SGCD: variants seen among roughly 807,000 people sequenced by gnomAD.
The protein encoded by SGCD is delta-sarcoglycan.
Under a neutral mutation model 36.6 loss-of-function variants are expected in SGCD, and 18 were observed. The observed-to-expected ratio is 0.49, with a 90% confidence interval of 0.34 to 0.73. The LOEUF (loss-of-function observed/expected upper bound fraction) is 0.73. SGCD is among the 30% of genes least tolerant of loss of function. The pLI is 0.01. For missense variants in SGCD, 387 were observed against 346.7 expected, an observed-to-expected ratio of 1.12 and a Z score of -0.92; for synonymous variants, 133 against 130.6, an observed-to-expected ratio of 1.02 and a Z score of -0.12.
intron 3 of SGCD, among the ~76,000 whole-genome samples, chr5:156,351,603 GTCATCATCA>G (rs141077881): frequency 0.039 from 5,810 of 149,178 alleles, 350 homozygotes; most frequent in African/African-American, 0.13. Context: ...TATCGTCGTA[GTCATCATCA>G]TCATCATCAT....
chr5:156,652,077 G>A (rs1157777503), intron 7 of SGCD, among the ~76,000 whole-genome samples: 4 of 151,998 alleles, frequency 2.6e-5, no homozygotes, highest in African/African-American at 4.8e-5. Context: ...AATATTACTC[G>A]TGTATAGAAA....
At chr5:156,714,002 C>T (rs990843167) in intron 7 of SGCD, among the ~76,000 whole-genome samples, 1 of 152,344 alleles carries the variant, frequency 6.6e-6, no homozygotes, top group Middle Eastern at 3.4e-3. Flanking sequence ...TTCACTCCAG[C>T]ATACGTGAAA....
intron 4 of SGCD, among the ~76,000 whole-genome samples, chr5:156,574,439 G>A (rs1311280861): frequency 6.6e-6 from 1 of 152,088 alleles, no homozygotes; most frequent in Non-Finnish European, 1.5e-5. Flanking sequence ...TCTCCATTTT[G>A]TACATTATTA....
chr5:156,544,319 C>T (rs1177964583), intron 4 of SGCD, among the ~76,000 whole-genome samples: 1 of 152,080 alleles, frequency 6.6e-6, no homozygotes, highest in East Asian at 1.9e-4. Flanking sequence ...ACTCAACCTA[C>T]CTGGTAATAA....
At chr5:156,448,126 C>G (rs1448148099) in intron 3 of SGCD, among the ~76,000 whole-genome samples, 1 of 152,112 alleles carries the variant, frequency 6.6e-6, no homozygotes, top group Non-Finnish European at 1.5e-5. Context: ...CTCAAGTCAC[C>G]TTTTCTGTAT....
chr5:155,804,298 A>T, the SGCD span, among the ~76,000 whole-genome samples: 76 of 152,332 alleles, frequency 5.0e-4, no homozygotes, highest in African/African-American at 1.7e-3. Context: ...CATTTTGCAG[A>T]TAGGGAAACT....
chr5:156,319,136 G>A (rs1047950318), intron 3 of SGCD, among the ~76,000 whole-genome samples: 5 of 152,094 alleles, frequency 3.3e-5, no homozygotes, highest in African/African-American at 7.2e-5. Context: ...CCTAAGATAC[G>A]ATATAATGCA....
chr5:156,214,934 G>A (rs1217864315), intron 3 of SGCD, among the ~76,000 whole-genome samples: 1 of 151,992 alleles, frequency 6.6e-6, no homozygotes, highest in Non-Finnish European at 1.5e-5. Flanking sequence ...TACATCAGAT[G>A]CAAAAATAAA....
intron 4 of SGCD, among the ~76,000 whole-genome samples, chr5:156,570,086 T>C (rs1367130521): frequency 3.9e-5 from 6 of 152,026 alleles, no homozygotes; most frequent in Non-Finnish European, 2.9e-5. Context: ...AGGGCAAGAG[T>C]AGAAGCAGGA....
chr5:156,302,261 T>G (rs1767073613), intron 3 of SGCD, among the ~76,000 whole-genome samples: 1 of 152,056 alleles, frequency 6.6e-6, no homozygotes, highest in Non-Finnish European at 1.5e-5. Context: ...TCAGACTCAC[T>G]AATTCTTTCT....
At chr5:156,588,983 C>CTA (rs1184805160) in intron 4 of SGCD, among the ~76,000 whole-genome samples, 1 of 122,712 alleles carries the variant, frequency 8.1e-6, no homozygotes, top group Non-Finnish European at 1.7e-5. Context: ...CTGGGGGAAT[C>CTA]TATATTGTGT....
chr5:156,073,621 A>G (rs12187915), intron 1 of SGCD, among the ~76,000 whole-genome samples: 21,755 of 152,184 alleles, frequency 0.14, 1,811 homozygotes, highest in Admixed American at 0.23. Flanking sequence ...CTATTCGTGT[A>G]CAGAGTAATT....
intron 4 of SGCD, among the ~76,000 whole-genome samples, chr5:156,518,216 A>C (rs1225528790): frequency 6.6e-6 from 1 of 152,246 alleles, no homozygotes; most frequent in East Asian, 1.9e-4. Context: ...ACGGGCTTTA[A>C]ACCAACAAAA....
chr5:155,946,531 T>A (rs938909628), intron 1 of SGCD, among the ~76,000 whole-genome samples: 6 of 152,032 alleles, frequency 3.9e-5, no homozygotes, highest in Non-Finnish European at 8.8e-5. Flanking sequence ...TAAAAAAAAA[T>A]TAATGCAAAT....
the SGCD span, among the ~76,000 whole-genome samples, chr5:155,814,011 T>C: frequency 4.6e-5 from 7 of 152,208 alleles, no homozygotes; most frequent in Non-Finnish European, 1.5e-5. Flanking sequence ...TGTGAAACTA[T>C]GAAACAATAA....
At chr5:156,184,264 G>A (rs1022899645) in intron 3 of SGCD, among the ~76,000 whole-genome samples, 20 of 151,950 alleles carry the variant, frequency 1.3e-4, no homozygotes, top group Non-Finnish European at 2.5e-4. Context: ...AAAAAATCCT[G>A]TTGAACCATC....
chr5:155,882,872 G>T (rs1428836269), intron 1 of SGCD, among the ~76,000 whole-genome samples: 1 of 152,184 alleles, frequency 6.6e-6, no homozygotes, highest in South Asian at 2.1e-4. Context: ...TTAAAGCCGG[G>T]CATTGACTTT....
the SGCD span, among the ~76,000 whole-genome samples, chr5:155,847,711 A>C: frequency 1.6e-4 from 24 of 152,184 alleles, no homozygotes; most frequent in Non-Finnish European, 3.2e-4. Context: ...AAGGCGAAAG[A>C]GAGATAGAGA....
At chr5:156,059,167 T>C (rs1760138605) in intron 1 of SGCD, among the ~76,000 whole-genome samples, 1 of 145,462 alleles carries the variant, frequency 6.9e-6, no homozygotes, top group South Asian at 2.2e-4. Context: ...GTTCTGTTGA[T>C]TAAATTGTCC....
Sources: allele counts gnomAD v4.1 joint callset (sites outside exome capture counted in the v4.1 genomes callset), GRCh38; gene constraint gnomAD v4.1.1; transcripts MANE v1.5; gene names NCBI Gene and HGNC (gene_info 2026-07-23, HGNC 2026-07-21).